Variants in IL1RAPL2 observed in about 807,000 individuals in gnomAD.
The protein encoded by IL1RAPL2 is interleukin 1 receptor accessory protein like 2, also known as X-linked interleukin-1 receptor accessory protein-like 2.
Under a neutral mutation model 44.1 loss-of-function variants are expected in IL1RAPL2, and 3 were observed. The ratio of observed to expected loss-of-function variants is 0.07; its 90% confidence interval spans 0.03 to 0.18. IL1RAPL2 has a LOEUF of 0.18. Ranked by LOEUF, IL1RAPL2 falls within the 10% of genes least tolerant of loss-of-function variation. The pLI is 1.00. For missense variants in IL1RAPL2, 391 were observed against 496.4 expected (o/e 0.79, Z 2.02); for synonymous variants, 181 against 178.8 (o/e 1.01, Z -0.10).
At chrX:104,644,543 C>T (rs1400914125) in intron 1 of IL1RAPL2, among the ~76,000 whole-genome samples, 1 of 111,227 alleles carries the variant, frequency 9.0e-6, no homozygotes, top group East Asian at 2.8e-4. Flanking sequence ...GCTCCAGAAA[C>T]CTTTTTTTAA....
chrX:105,114,005 T>C (rs1360579096), intron 2 of IL1RAPL2, among the ~76,000 whole-genome samples: 1 of 112,130 alleles, frequency 8.9e-6, no homozygotes, highest in Non-Finnish European at 1.9e-5. Flanking sequence ...CCTTGTTTAC[T>C]TCCTCTGGAA....
At chrX:105,079,505 C>G (rs1354137491) in intron 2 of IL1RAPL2, among the ~76,000 whole-genome samples, 2 of 109,679 alleles carry the variant, frequency 1.8e-5, no homozygotes, top group African/African-American at 6.6e-5. Flanking sequence ...CCAGCTTCAT[C>G]CATGTCCCTA....
At chrX:105,685,633 A>AT (rs1556383508) in intron 6 of IL1RAPL2, among the ~76,000 whole-genome samples, 2 of 111,844 alleles carry the variant, frequency 1.8e-5, no homozygotes, top group Non-Finnish European at 3.8e-5. Context: ...ACTCTTCAGG[A>AT]TATTATCCAG....
chrX:105,474,833 A>G (rs961420127), intron 5 of IL1RAPL2, among the ~76,000 whole-genome samples: 11 of 109,717 alleles, frequency 1.0e-4, no homozygotes, highest in African/African-American at 2.0e-4. Flanking sequence ...TGATGCTTAT[A>G]TGGAGATATT....
At chrX:105,353,623 G>A (rs1181917120) in intron 5 of IL1RAPL2, among the ~76,000 whole-genome samples, 4 of 110,985 alleles carry the variant, frequency 3.6e-5, no homozygotes, top group African/African-American at 9.8e-5. Context: ...AGTGGTTTGT[G>A]GATCTCCTTG....
At position 105,014,634 on chromosome X, in the gene IL1RAPL2, G is replaced by A. The variant is rs181123855; in HGVS notation, c.83-180841G>A. On this transcript the variant is annotated intron_variant, in intron 2 of 10. Transcript: ENST00000372582. ...CCAGCTTCATCCATATGCCTGCAAA[G>A]GGCATGAACTAATCCTTTTTTATGG... Among the ~76,000 whole-genome samples the A allele has an allele frequency of 5.9e-4, 66 of 112,280 alleles. 1 individual carries two copies. The highest frequency in any genetic ancestry group is 1.7e-3 in the Admixed American group (18 of 10,593).
chrX:105,432,643 T>C (rs1052030496), intron 5 of IL1RAPL2, among the ~76,000 whole-genome samples: 2 of 111,498 alleles, frequency 1.8e-5, no homozygotes, highest in Non-Finnish European at 3.8e-5. Context: ...TCTGAAAGAC[T>C]CATCTCAAGA....
At chrX:105,606,377 G>A (rs1429102672) in intron 6 of IL1RAPL2, among the ~76,000 whole-genome samples, 2 of 111,670 alleles carry the variant, frequency 1.8e-5, no homozygotes, top group Non-Finnish European at 3.8e-5. Flanking sequence ...TAGTTGGAAT[G>A]GCTATTATCA....
chrX:105,700,016 G>A (rs1376509987), intron 6 of IL1RAPL2, among the ~76,000 whole-genome samples: 1 of 111,340 alleles, frequency 9.0e-6, no homozygotes, highest in African/African-American at 3.3e-5. Context: ...TCTGAGTTTT[G>A]TTTTTTGTTT....
At chrX:105,033,206 G>T (rs914872991) in intron 2 of IL1RAPL2, among the ~76,000 whole-genome samples, 1 of 111,546 alleles carries the variant, frequency 9.0e-6, no homozygotes. Flanking sequence ...CTTAATTGGA[G>T]CATTTAGCCC....
intron 2 of IL1RAPL2, among the ~76,000 whole-genome samples, chrX:104,754,305 G>A (rs1932309142): frequency 8.9e-6 from 1 of 111,744 alleles, no homozygotes; most frequent in Non-Finnish European, 1.9e-5. Flanking sequence ...GGATCAAGGA[G>A]GTGGTTTTTA....
At chrX:105,539,285 G>T (rs1342326700) in intron 6 of IL1RAPL2, among the ~76,000 whole-genome samples, 3 of 111,253 alleles carry the variant, frequency 2.7e-5, no homozygotes, top group Non-Finnish European at 5.7e-5. Context: ...AAACTATACT[G>T]TATGGCTACA....
At chrX:105,665,090 G>A (rs1457646943) in intron 6 of IL1RAPL2, among the ~76,000 whole-genome samples, 1 of 111,910 alleles carries the variant, frequency 8.9e-6, no homozygotes, top group Non-Finnish European at 1.9e-5. Context: ...ACTGATAAGG[G>A]ACCAGGCAAC....
intron 5 of IL1RAPL2, among the ~76,000 whole-genome samples, chrX:105,377,539 T>C (rs2035397437): frequency 9.0e-6 from 1 of 111,251 alleles, no homozygotes; most frequent in Admixed American, 9.6e-5. Context: ...TCATGCTAGT[T>C]AGAAAAAAAA....
intron 5 of IL1RAPL2, among the ~76,000 whole-genome samples, chrX:105,335,171 G>C (rs2035018532): frequency 9.1e-6 from 1 of 109,859 alleles, no homozygotes; most frequent in African/African-American, 3.4e-5. Flanking sequence ...ACCTTATATT[G>C]ATGTCTTTGC....
chrX:105,408,994 T>G lies in IL1RAPL2; in HGVS notation c.698-75319T>G, dbSNP rs376203270. Reference sequence around the variant, plus strand: ...AGCTTTAATGCCATTATCTGTAAAATGCAGTGTTACAATAGATCATTGTAA... The same window carrying G: ...AGCTTTAATGCCATTATCTGTAAAAGGCAGTGTTACAATAGATCATTGTAA... On this transcript the variant is annotated intron_variant, in intron 5 of 10. Transcript: ENST00000372582. Among the ~76,000 whole-genome samples, 497 of 111,538 alleles carry G rather than the reference T, an allele frequency of 4.5e-3. 2 individuals are homozygous for G. Among genetic ancestry groups the G allele is most frequent in the African/African-American group, 0.015 (470 of 30,790 alleles).
intron 2 of IL1RAPL2, among the ~76,000 whole-genome samples, chrX:104,683,122 A>T (rs761998003): frequency 4.8e-4 from 54 of 111,360 alleles, no homozygotes; most frequent in Non-Finnish European, 8.3e-4. Flanking sequence ...ACTTCTTGGG[A>T]TGTACACTTG....
chrX:104,915,570 T>G (rs1170911878), intron 2 of IL1RAPL2, among the ~76,000 whole-genome samples: 177 of 110,769 alleles, frequency 1.6e-3, no homozygotes, highest in African/African-American at 5.2e-3. Flanking sequence ...CTCTTTAGTT[T>G]AATTAGATCC....
chrX:104,679,208 C>A (rs1391778969), intron 2 of IL1RAPL2, among the ~76,000 whole-genome samples: 1 of 110,777 alleles, frequency 9.0e-6, no homozygotes, highest in African/African-American at 3.3e-5. Flanking sequence ...GACTGGAGCC[C>A]ATGAATGACA....
Sources: allele counts gnomAD v4.1 joint callset (sites outside exome capture counted in the v4.1 genomes callset), GRCh38; gene constraint gnomAD v4.1.1; transcripts MANE v1.5; gene names NCBI Gene and HGNC (gene_info 2026-07-23, HGNC 2026-07-21).